The following WWOX variants were observed in gnomAD, a reference collection of about 807,000 sequenced individuals.
WWOX encodes the protein WW domain-containing oxidoreductase.
Under a neutral mutation model 46.2 loss-of-function variants are expected in WWOX, and 69 were observed. The ratio of observed to expected loss-of-function variants is 1.49; its 90% CI spans 1.23 to 1.82. The LOEUF (loss-of-function observed/expected upper bound fraction) is 1.82. WWOX is among the 40% of genes most tolerant of loss of function. The pLI is 0.00. For missense variants in WWOX, 919 were observed against 542.6 expected, an observed-to-expected ratio of 1.69 and a Z score of -6.89; for synonymous variants, 359 against 202.6, an observed-to-expected ratio of 1.77 and a Z score of -6.56.
chr16:79,206,304 G>A (rs2051507847), intron 8 of WWOX: 1 of 152,186 alleles, frequency 6.6e-6, no homozygotes, highest in South Asian at 2.1e-4. Flanking sequence ...ATGAGGAAAT[G>A]GGCCACGTGC....
rs1010935326 is a variant in WWOX, at chr16:78,898,510, T to C, written c.1057-313098T>C. The C allele has an allele frequency of 3.3e-5, 5 of 152,300 alleles. No individual in the cohort carries two copies. The East Asian group carries it at 9.6e-4, about 29-fold the overall frequency. The allele number at this position is 152,300 out of a possible 1,614,324, so 9.4% of individuals were successfully genotyped here. ...TCCATTGATCTAATTTTTTTTCTTA[T>C]ACTTACTGCTCGATTGCCTGGAAGC... On this transcript the variant is annotated intron_variant, in intron 8 of 8. Coordinates refer to ENST00000566780, the MANE Select transcript of WWOX (RefSeq NM_016373.4).
At chr16:78,884,398 G>A (rs899996353) in intron 8 of WWOX, among the ~76,000 whole-genome samples, 7 of 151,674 alleles carry the variant, frequency 4.6e-5, no homozygotes, top group African/African-American at 1.7e-4. Context: ...ATAACACACT[G>A]AATCATTATT....
chr16:78,675,528 C>T (rs2047575786), intron 8 of WWOX, among the ~76,000 whole-genome samples: 1 of 152,150 alleles, frequency 6.6e-6, no homozygotes, highest in Non-Finnish European at 1.5e-5. Context: ...TTAACCATTT[C>T]ACAAATATTT....
Position 78,808,931 on chromosome 16 carries a change from A to G in WWOX, c.1056+376179A>G, listed in dbSNP as rs116653569. 6.4e-3 allele frequency among the ~76,000 whole-genome samples: 968 copies of G among 152,278 alleles called. 6 individuals carry two copies. The highest frequency in any genetic ancestry group is 0.022 in the African/African-American group (923 of 41,548). ...CGTTAGGCCATTTGCCAATGCTGCT[A>G]TTAGGGGCGAAATGTCATGCGCTTG... On this transcript the variant is annotated intron_variant, in intron 8 of 8. Transcript: ENST00000566780.
intron 8 of WWOX, among the ~76,000 whole-genome samples, chr16:78,684,653 G>A (rs1026376791): frequency 9.2e-5 from 14 of 152,172 alleles, no homozygotes; most frequent in Admixed American, 3.3e-4. Flanking sequence ...AAAGGACTCT[G>A]CCCTCATGGA....
At chr16:78,584,713 T>C (rs748705447) in intron 8 of WWOX, among the ~76,000 whole-genome samples, 10 of 152,212 alleles carry the variant, frequency 6.6e-5, no homozygotes, top group Non-Finnish European at 1.3e-4. Context: ...GAATAGCAGT[T>C]AGCTTACCAG....
intron 8 of WWOX, among the ~76,000 whole-genome samples, chr16:79,020,372 C>T (rs1044358489): frequency 7.9e-5 from 12 of 152,128 alleles, no homozygotes; most frequent in African/African-American, 2.9e-4. Context: ...TGAATTCCGG[C>T]TCTGCCACTT....
intron 5 of WWOX, among the ~76,000 whole-genome samples, chr16:78,219,901 T>TA (rs1373685559): frequency 5.3e-5 from 8 of 152,200 alleles, no homozygotes; most frequent in Admixed American, 6.5e-5. Flanking sequence ...TACTGAAACT[T>TA]ACCAAACATT....
At chr16:78,880,322 A>T (rs1201067702) in intron 8 of WWOX, among the ~76,000 whole-genome samples, 1 of 152,182 alleles carries the variant, frequency 6.6e-6, no homozygotes, top group Admixed American at 6.5e-5. Context: ...TTTCACCCGT[A>T]CCTGTGGAAA....
intron 5 of WWOX, among the ~76,000 whole-genome samples, chr16:78,358,033 T>G (rs2081334675): frequency 6.6e-6 from 1 of 152,194 alleles, no homozygotes; most frequent in African/African-American, 2.4e-5. Context: ...ACACACATAA[T>G]GAACCATATG....
At chr16:78,407,017 C>T (rs936774107) in intron 6 of WWOX, among the ~76,000 whole-genome samples, 1 of 152,114 alleles carries the variant, frequency 6.6e-6, no homozygotes, top group Non-Finnish European at 1.5e-5. Flanking sequence ...CAGCTGTGGC[C>T]TTGGTGGATT....
At chr16:78,106,081 C>T (rs776941096) in intron 1 of WWOX, among the ~76,000 whole-genome samples, 72 of 152,260 alleles carry the variant, frequency 4.7e-4, no homozygotes, top group Non-Finnish European at 8.4e-4. Context: ...GGATTACAGG[C>T]GTGAGCCACC....
At chr16:78,868,746 A>C (rs370149668) in intron 8 of WWOX, among the ~76,000 whole-genome samples, 21 of 152,202 alleles carry the variant, frequency 1.4e-4, no homozygotes, top group African/African-American at 4.1e-4. Context: ...GCTCTGGCTC[A>C]CTATATATGT....
intron 8 of WWOX, among the ~76,000 whole-genome samples, chr16:79,109,086 G>A (rs2049365965): frequency 1.3e-5 from 2 of 151,920 alleles, no homozygotes; most frequent in Admixed American, 1.3e-4. Context: ...TGTGTGCCCT[G>A]GGTTCCTCTC....
chr16:78,500,637 G>A (rs534523078), intron 8 of WWOX, among the ~76,000 whole-genome samples: 2 of 152,236 alleles, frequency 1.3e-5, no homozygotes, highest in East Asian at 3.9e-4. Context: ...TTTATAAAAT[G>A]GGGGGCTTAG....
At chr16:79,188,512 C>G (rs2051064707) in intron 8 of WWOX, among the ~76,000 whole-genome samples, 1 of 152,210 alleles carries the variant, frequency 6.6e-6, no homozygotes, top group African/African-American at 2.4e-5. Context: ...AGAGAAATCA[C>G]AGATGACTAA....
At chr16:78,285,730 C>G (rs1275803412) in intron 5 of WWOX, among the ~76,000 whole-genome samples, 1 of 152,144 alleles carries the variant, frequency 6.6e-6, no homozygotes, top group Non-Finnish European at 1.5e-5. Context: ...TGTGCAGCAA[C>G]CTTTGCGCCT....
At chr16:78,285,031 G>C (rs1300299402) in intron 5 of WWOX, among the ~76,000 whole-genome samples, 3 of 152,136 alleles carry the variant, frequency 2.0e-5, no homozygotes, top group African/African-American at 7.2e-5. Context: ...ATTAATGCTT[G>C]GCTAGCTGGT....
chr16:79,041,152 A>G (rs1259994631), intron 8 of WWOX, among the ~76,000 whole-genome samples: 1 of 152,182 alleles, frequency 6.6e-6, no homozygotes, highest in Non-Finnish European at 1.5e-5. Context: ...CTGACACAAT[A>G]CAGATATTGA....
Sources: gnomAD v4.1 joint callset for allele counts (sites outside exome capture counted in the v4.1 genomes callset) on GRCh38, gnomAD v4.1.1 for gene constraint, MANE v1.5 for transcripts, NCBI Gene and HGNC (gene_info 2026-07-23, HGNC 2026-07-21) for gene names.